RAB3C: variants seen among roughly 807,000 people sequenced by gnomAD.
RAB3C encodes the protein ras-related protein Rab-3C.
RAB3C carries 17 observed loss-of-function variants against 26.4 expected under a neutral mutation model. The observed-to-expected ratio is 0.64, with a 90% CI of 0.44 to 0.97. RAB3C has a LOEUF of 0.97. Among genes scored for constraint, RAB3C ranks in the 50% least tolerant of loss-of-function variants. The probability of loss-of-function intolerance (pLI) is 0.00; values close to 1 mark genes in which losing one functional copy is unlikely to be tolerated. For missense variants in RAB3C, 242 were observed against 281.9 expected, an observed-to-expected ratio of 0.86 and a Z score of 1.01; for synonymous variants, 91 against 95.9, an observed-to-expected ratio of 0.95 and a Z score of 0.30.
intron 2 of RAB3C, among the ~76,000 whole-genome samples, chr5:58,718,978 T>C (rs1054552518): frequency 4.6e-5 from 7 of 152,064 alleles, no homozygotes; most frequent in African/African-American, 1.7e-4. Context: ...TGCCTATTTA[T>C]GGAAATTTCT....
Position 58,686,952 on chromosome 5 carries a change from C to T in RAB3C, c.253-39050C>T, listed in dbSNP as rs1748456632. Among the ~76,000 whole-genome samples the T allele has an allele frequency of 2.0e-5, 3 of 152,142 alleles. 1 individual carries two copies. In the South Asian group the frequency reaches 6.2e-4, roughly 32 times the overall value. On this transcript the variant is annotated intron_variant, in intron 2 of 4. Transcript: ENST00000282878. ...CAACTTTGATACAAGCCCAGTTACC[C>T]TCCAAATAGAGTTGAAAAAAAGAAA...
In RAB3C at chr5:58,831,708, G is replaced by A. The variant is rs115832312; in HGVS notation, c.496+6546G>A. Among the ~76,000 whole-genome samples, 605 of 152,290 alleles carry A rather than the reference G, an allele frequency of 4.0e-3. 7 individuals carry two copies. The highest frequency in any genetic ancestry group is 0.014 in the African/African-American group (578 of 41,562). Reference sequence around the variant, plus strand: ...GACTGCTGATATTGGGAATAGCAGGGATATCAGGAGTCACTGCTAGGCCTC... The same window carrying A: ...GACTGCTGATATTGGGAATAGCAGGAATATCAGGAGTCACTGCTAGGCCTC... On this transcript the variant is annotated intron_variant, in intron 4 of 4. Coordinates refer to ENST00000282878, the MANE Select transcript of RAB3C (RefSeq NM_138453.4).
chr5:58,783,164 A>G (rs1284882672), intron 3 of RAB3C, among the ~76,000 whole-genome samples: 1 of 152,140 alleles, frequency 6.6e-6, no homozygotes, highest in Non-Finnish European at 1.5e-5. Flanking sequence ...TGAGAGCTCA[A>G]CCCACATAAA....
At chr5:58,749,382 G>T (rs1741473448) in intron 3 of RAB3C, among the ~76,000 whole-genome samples, 1 of 152,128 alleles carries the variant, frequency 6.6e-6, no homozygotes, top group Admixed American at 6.5e-5. Flanking sequence ...CACACATTCT[G>T]CTAGGCCTTG....
intron 2 of RAB3C, among the ~76,000 whole-genome samples, chr5:58,678,929 A>G (rs1250990221): frequency 2.0e-5 from 3 of 152,210 alleles, no homozygotes; most frequent in Admixed American, 6.5e-5. Flanking sequence ...TACGTGTCCA[A>G]AAAGACTTTT....
chr5:58,712,039 T>C (rs1749071428), intron 2 of RAB3C, among the ~76,000 whole-genome samples: 1 of 152,158 alleles, frequency 6.6e-6, no homozygotes, highest in South Asian at 2.1e-4. Context: ...GATTGTGATT[T>C]TCGTGTGGTA....
intron 2 of RAB3C, among the ~76,000 whole-genome samples, chr5:58,719,002 G>A (rs1740674564): frequency 6.6e-6 from 1 of 151,944 alleles, no homozygotes; most frequent in Non-Finnish European, 1.5e-5. Flanking sequence ...AATGCAACTT[G>A]GGAGAAGTAT....
At chr5:58,618,277 C>A (rs1204239047) in intron 2 of RAB3C, among the ~76,000 whole-genome samples, 1 of 152,110 alleles carries the variant, frequency 6.6e-6, no homozygotes, top group African/African-American at 2.4e-5. Context: ...TCACAGAAAG[C>A]AGCCTCTCCT....
At chr5:58,586,561 CAG>C (rs2111648388) in intron 1 of RAB3C, among the ~76,000 whole-genome samples, 1 of 152,250 alleles carries the variant, frequency 6.6e-6, no homozygotes, top group East Asian at 1.9e-4. Flanking sequence ...TAATTTCTGG[CAG>C]GGTCACGTAC....
chr5:58,675,906 G>A (rs926370463), intron 2 of RAB3C, among the ~76,000 whole-genome samples: 3 of 151,964 alleles, frequency 2.0e-5, no homozygotes, highest in Admixed American at 6.5e-5. Context: ...TTCTGCTCAA[G>A]TCTAGCTCTT....
intron 1 of RAB3C, among the ~76,000 whole-genome samples, chr5:58,610,471 G>C (rs1450519422): frequency 6.6e-6 from 1 of 151,738 alleles, no homozygotes; most frequent in Non-Finnish European, 1.5e-5. Flanking sequence ...TATCTCACTG[G>C]GGTCTTAATT....
intron 2 of RAB3C, among the ~76,000 whole-genome samples, chr5:58,651,689 C>A (rs1201330800): frequency 1.3e-5 from 2 of 152,128 alleles, no homozygotes; most frequent in South Asian, 4.1e-4. Flanking sequence ...TTGTTCCAAG[C>A]ACTATGCTGG....
At position 58,711,961 on chromosome 5, in the gene RAB3C, A is replaced by G. The variant is rs575048957; in HGVS notation, c.253-14041A>G. Among the ~76,000 whole-genome samples, 8 of 152,322 alleles carry G rather than the reference A, an allele frequency of 5.3e-5. No individual in the cohort carries two copies. In the East Asian group the frequency reaches 1.5e-3, roughly 29 times the overall value. ...CTCTGCAATACCTGAATATTGTTTC[A>G]GTTCTTACAATGTAAAAATGGTAGA... is the stretch of plus-strand genomic sequence containing the variant. On this transcript the variant is annotated intron_variant, in intron 2 of 4. Transcript: ENST00000282878.
At chr5:58,742,410 T>C (rs1480565875) in intron 3 of RAB3C, among the ~76,000 whole-genome samples, 1 of 152,200 alleles carries the variant, frequency 6.6e-6, no homozygotes, top group African/African-American at 2.4e-5. Context: ...TCCATAACCT[T>C]ATCTCTGATC....
chr5:58,688,709 T>G (rs1215523303), intron 2 of RAB3C, among the ~76,000 whole-genome samples: 5 of 152,122 alleles, frequency 3.3e-5, no homozygotes, highest in Admixed American at 3.3e-4. Flanking sequence ...GATATTTCTT[T>G]GGCCTTTGAA....
At chr5:58,801,599 A>C (rs188933682) in intron 3 of RAB3C, among the ~76,000 whole-genome samples, 2 of 152,382 alleles carry the variant, frequency 1.3e-5, no homozygotes, top group Admixed American at 1.3e-4. Flanking sequence ...ATAAGTATGA[A>C]AATTATGAGA....
chr5:58,583,433 C>A (rs1354215769), intron 1 of RAB3C: 2 of 722,868 alleles, frequency 2.8e-6, no homozygotes, highest in Non-Finnish European at 3.4e-6. Context: ...GATGAGGGAT[C>A]GGGCTATTCG....
chr5:58,611,621 C>T (rs1746702624), intron 1 of RAB3C, among the ~76,000 whole-genome samples: 1 of 152,038 alleles, frequency 6.6e-6, no homozygotes, highest in Non-Finnish European at 1.5e-5. Context: ...CTCATAGATG[C>T]AGTATATTAG....
intron 1 of RAB3C, among the ~76,000 whole-genome samples, chr5:58,587,645 T>C (rs1316125532): frequency 6.6e-6 from 1 of 152,212 alleles, no homozygotes; most frequent in Non-Finnish European, 1.5e-5. Flanking sequence ...AATGTATAAA[T>C]CTGTGTAACA....
Sources: gnomAD v4.1 joint callset for allele counts (sites outside exome capture counted in the v4.1 genomes callset) on GRCh38, gnomAD v4.1.1 for gene constraint, MANE v1.5 for transcripts, NCBI Gene and HGNC (gene_info 2026-07-23, HGNC 2026-07-21) for gene names.